Variants in MTOR observed in about 807,000 individuals in gnomAD.
The protein encoded by MTOR is mechanistic target of rapamycin kinase, also known as serine/threonine-protein kinase mTOR.
Under a neutral mutation model 319.8 loss-of-function variants are expected in MTOR, and 70 were observed. The ratio of observed to expected loss-of-function variants is 0.22; its 90% CI spans 0.18 to 0.27. MTOR has a LOEUF of 0.27. Ranked by LOEUF, MTOR falls within the 10% of genes least tolerant of loss-of-function variation. MTOR has a pLI of 1.00. For synonymous variants in MTOR, 1,183 were observed against 1,211.4 expected, an observed-to-expected ratio of 0.98 and a Z score of 0.49; for missense variants, 1,890 against 3,274.4, an observed-to-expected ratio of 0.58 and a Z score of 10.32.
chr1:11,224,244 T>C (rs894267242), intron 19 of MTOR, among the ~76,000 whole-genome samples: 2 of 151,890 alleles, frequency 1.3e-5, no homozygotes, highest in Admixed American at 6.6e-5. Flanking sequence ...AGTAAAAGAA[T>C]TGGAAAAGAC....
intron 36 of MTOR, 186 bp downstream of exon 36, chr1:11,139,118 T>C (rs1200696378): frequency 1.4e-6 from 1 of 703,492 alleles, no homozygotes; most frequent in African/African-American, 1.8e-5. Context: ...ATACACACCA[T>C]CTCCTCAACT....
chr1:11,188,329 T>C (rs1359367484), intron 28 of MTOR, among the ~76,000 whole-genome samples: 1 of 152,192 alleles, frequency 6.6e-6, no homozygotes, highest in Non-Finnish European at 1.5e-5. Context: ...CCTTCATATA[T>C]AGTACATGAA....
intron 23 of MTOR, 32 bp from the exon 24 acceptor site, chr1:11,210,938 A>G (rs770681769): frequency 8.1e-6 from 11 of 1,357,464 alleles, no homozygotes; most frequent in Non-Finnish European, 1.2e-5. Flanking sequence ...ATGAGAAACT[A>G]TCATTTTGGA....
intron 18 of MTOR, 137 bp from the exon 19 acceptor site, chr1:11,229,055 G>C: frequency 8.9e-7 from 1 of 1,118,002 alleles, no homozygotes; most frequent in Non-Finnish European, 1.3e-6. Flanking sequence ...TAACACTGTT[G>C]GGAGTTCAAG....
chr1:11,233,291 A>G lies in MTOR; in HGVS notation c.2421+107T>C, dbSNP rs905061626. On this transcript the variant is annotated intron_variant, in intron 15 of 57. Transcript: ENST00000361445. Reference sequence around the variant, plus strand: ...CATTGTTGGCTGGGTTCCGCAATAAATATGTGAGACCTTTCATTTAAAAAA... The same window carrying G: ...CATTGTTGGCTGGGTTCCGCAATAAGTATGTGAGACCTTTCATTTAAAAAA... 37 of 1,026,948 alleles carry G rather than the reference A, an allele frequency of 3.6e-5. 1 individual carries two copies. In the South Asian group the frequency reaches 4.2e-4, roughly 12 times the overall value. The allele number at this position is 1,026,948 out of a possible 1,614,324, so 63.6% of individuals were successfully genotyped here. A position where few individuals can be genotyped will look rare whatever the true frequency, so the allele number is the denominator to read the frequency against.
rs374509092 is a variant in MTOR, at chr1:11,213,543, T to C, written c.3141A>G (p.Ser1047=). 20 of 1,613,906 alleles carry C rather than the reference T, an allele frequency of 1.2e-5. No homozygotes were observed. The highest frequency in any genetic ancestry group is 1.7e-5 in the Non-Finnish European group (20 of 1,179,988). Residue 1047 remains serine, a synonymous_variant, in exon 21 of 58, where the codon TCA becomes TCG. Transcript: ENST00000361445. ...TGAGAAGAATGATCGTGCTCTGAAT[T>C]GAGGTGTTCATGACCCAGAATTCCT... The part of the protein sequence containing the change: ...LMREFWVMNT[S]IQSTIILLIE...
chr1:11,114,215 G>A (rs1203321724), intron 53 of MTOR, 103 bp downstream of exon 53: 21 of 1,456,216 alleles, frequency 1.4e-5, no homozygotes, highest in Middle Eastern at 2.5e-4. Context: ...GGCTGGTCTC[G>A]AACTCCTGGC....
chr1:11,236,376 T>C (rs989197772), intron 13 of MTOR, among the ~76,000 whole-genome samples: 1 of 152,088 alleles, frequency 6.6e-6, no homozygotes, highest in African/African-American at 2.4e-5. Context: ...TGGGCTCCTG[T>C]GATCCGCCTG....
rs530994544 is a variant in MTOR, at chr1:11,146,656, G to C, written c.4686+20C>G. 1.3e-6 allele frequency: 2 copies of C among 1,582,318 alleles called. No homozygotes were observed. The highest frequency in any genetic ancestry group is 4.5e-5 in the East Asian group (2 of 44,702). Reference sequence around the variant, plus strand: ...CAATCTTTTCCTCACTGAGAGATCTGGGTGCATGTAGGTTTTTACCTGTTG... The same window carrying C: ...CAATCTTTTCCTCACTGAGAGATCTCGGTGCATGTAGGTTTTTACCTGTTG... On this transcript the variant is annotated intron_variant, in intron 32 of 57. Transcript: ENST00000361445.
rs2100405569 is a variant in MTOR, at chr1:11,127,558, T to G, written c.6216+66A>C. 6.6e-7 allele frequency: 1 copy of G among 1,515,354 alleles called. No individual in the cohort carries two copies. The highest frequency in any genetic ancestry group is 1.3e-5 in the South Asian group (1 of 75,354). The allele number at this position is 1,515,354 out of a possible 1,614,324, so 93.9% of individuals were successfully genotyped here. On this transcript the variant is annotated intron_variant, in intron 44 of 57. Coordinates refer to ENST00000361445, the MANE Select transcript of MTOR (RefSeq NM_004958.4). This position sits in a 1 kb window ranked among gnomAD's most constrained non-coding sequence, Gnocchi z 5.5. ...TTCATTCTATAAAAACTTTTCTCAT[T>G]TCATTTTTTTTTAGTGGCAGAATAT...
chr1:11,190,551 T>C (rs1645487146), intron 28 of MTOR, among the ~76,000 whole-genome samples: 1 of 152,226 alleles, frequency 6.6e-6, no homozygotes, highest in Admixed American at 6.5e-5. Flanking sequence ...GTGATACGTC[T>C]ATTTTTTTCC....
At chr1:11,177,992 C>CG (rs5772443) in intron 28 of MTOR, among the ~76,000 whole-genome samples, 1 of 152,204 alleles carries the variant, frequency 6.6e-6, no homozygotes, top group African/African-American at 2.4e-5. Context: ...TGCCTTTTCA[C>CG]TAACACAGGT....
At position 11,128,774 on chromosome 1, in the gene MTOR, ACTGAACACAGCATGCTT is replaced by A. The variant is rs1642975810; in HGVS notation, c.5811+64_5811+80del. On this transcript the variant is annotated intron_variant, in intron 41 of 57. Coordinates refer to ENST00000361445, the MANE Select transcript of MTOR (RefSeq NM_004958.4). This position sits in a 1 kb window ranked among gnomAD's most constrained non-coding sequence, Gnocchi z 5.3. ...GTATTAACACACACTGCCTTGTGAC[ACTGAACACAGCATGCTT>A]GTAAGAGGAGACACACAGAAGAGAG... is the stretch of plus-strand genomic sequence containing the variant. 7.9e-7 allele frequency: 1 copy of A among 1,265,340 alleles called. No individual in the cohort carries two copies. The highest frequency in any genetic ancestry group is 1.9e-5 in the Admixed American group (1 of 53,520). The allele number at this position is 1,265,340 out of a possible 1,614,324, so 78.4% of individuals were successfully genotyped here.
chr1:11,243,892 C>A (rs1469679460), intron 8 of MTOR, among the ~76,000 whole-genome samples: 1 of 152,058 alleles, frequency 6.6e-6, no homozygotes, highest in Admixed American at 6.6e-5. Context: ...GGTGCAGTGT[C>A]TCACACATGT....
chr1:11,117,278 A>T (rs1259609475), intron 49 of MTOR, among the ~76,000 whole-genome samples, 192 bp from the exon 50 acceptor site: 1 of 152,208 alleles, frequency 6.6e-6, no homozygotes, highest in African/African-American at 2.4e-5. Flanking sequence ...CTCATGCCTC[A>T]GCCTCCTGAG....
intron 25 of MTOR, among the ~76,000 whole-genome samples, chr1:11,205,417 A>T (rs1324087335): frequency 6.6e-6 from 1 of 152,214 alleles, no homozygotes; most frequent in African/African-American, 2.4e-5. Context: ...CAAGTCACTT[A>T]ACTCCCCTGT....
intron 1 of MTOR, among the ~76,000 whole-genome samples, chr1:11,261,970 G>C (rs987966363): frequency 2.0e-5 from 3 of 152,148 alleles, no homozygotes. Context: ...AGATTGGATG[G>C]GGGAAACAGG....
At chr1:11,222,675 A>C (rs937070896) in intron 19 of MTOR, among the ~76,000 whole-genome samples, 1 of 152,150 alleles carries the variant, frequency 6.6e-6, no homozygotes. Context: ...TAAATCCAGA[A>C]GGAATAATCA....
intron 30 of MTOR, among the ~76,000 whole-genome samples, chr1:11,153,820 G>A (rs1391778553): frequency 1.3e-5 from 2 of 151,876 alleles, no homozygotes; most frequent in Non-Finnish European, 2.9e-5. Flanking sequence ...CGTAATCCTA[G>A]ACCTTTGAGA....
Sources: allele counts gnomAD v4.1 joint callset (sites outside exome capture counted in the v4.1 genomes callset), GRCh38; gene constraint gnomAD v4.1.1; non-coding constraint Gnocchi (gnomAD v3.1); transcripts MANE v1.5; gene names NCBI Gene and HGNC (gene_info 2026-07-23, HGNC 2026-07-21).